TP53BP2: variants seen among roughly 807,000 people sequenced by gnomAD.
The protein encoded by TP53BP2 is apoptosis-stimulating of p53 protein 2.
TP53BP2 carries 62 observed loss-of-function variants against 126.2 expected under a neutral mutation model. That is an observed-to-expected ratio of 0.49 (90% CI 0.40 to 0.61). TP53BP2 has a LOEUF of 0.61. TP53BP2 is among the 20% of genes least tolerant of loss of function. The pLI, the probability that TP53BP2 is intolerant of heterozygous loss-of-function variation, is 0.00. For synonymous variants in TP53BP2, 485 were observed against 502.9 expected (o/e 0.96, Z 0.48); for missense variants, 1,215 against 1,402.8 (o/e 0.87, Z 2.14).
intron 16 of TP53BP2, among the ~76,000 whole-genome samples, chr1:223,785,960 A>T (rs1186613619): frequency 6.6e-6 from 1 of 152,156 alleles, no homozygotes; most frequent in Non-Finnish European, 1.5e-5. Context: ...GACAAGTACC[A>T]AAATGTTCAC....
intron 1 of TP53BP2, among the ~76,000 whole-genome samples, chr1:223,840,978 T>A (rs963648250): frequency 6.6e-6 from 1 of 152,098 alleles, no homozygotes; most frequent in African/African-American, 2.4e-5. Flanking sequence ...TGCTCCTGGG[T>A]GCGGTGGCTC....
At chr1:223,781,675 A>T (rs1661783861) in intron 17 of TP53BP2, among the ~76,000 whole-genome samples, 1 of 152,212 alleles carries the variant, frequency 6.6e-6, no homozygotes, top group South Asian at 2.1e-4. Flanking sequence ...TCAGACTTCC[A>T]GTTAAAACTG....
In TP53BP2 at chr1:223,796,314, C is replaced by T; in HGVS notation, c.2225G>A (p.Ser742Asn). 2 of 1,614,174 alleles carry T rather than the reference C, an allele frequency of 1.2e-6. No homozygotes were observed. The highest frequency in any genetic ancestry group is 1.7e-6 in the Non-Finnish European group (2 of 1,180,038). The change falls in exon 13 of 18, where the codon AGT (serine) becomes AAT (asparagine). Residue 742 changes from serine (S) to asparagine (N), a missense_variant. Physicochemically the swap from Ser to Asn is conservative, Grantham distance 46. Around this residue, in one of 4 missense-constraint regions of TP53BP2, gnomAD observed 46 missense variants for 93.0 expected, o/e 0.49. Transcript: ENST00000343537. The surrounding 1 kb of genome is among the most constrained non-coding windows in gnomAD (Gnocchi z 4.2). ...SNAPRPLKKR[S>N]SITEPEGPNG... Reference sequence around the variant, plus strand: ...AGGACCCTCTGGCTCTGTAATAGAACTACGTTTCTTTAGAGGCCTTGGTGC... The same window carrying T: ...AGGACCCTCTGGCTCTGTAATAGAATTACGTTTCTTTAGAGGCCTTGGTGC...
intron 16 of TP53BP2, among the ~76,000 whole-genome samples, chr1:223,786,636 T>C (rs1661973147): frequency 6.6e-6 from 1 of 150,836 alleles, no homozygotes. Flanking sequence ...AGATGGAGTC[T>C]CGCTCTGTTG....
At chr1:223,802,034 C>A in intron 9 of TP53BP2, 82 bp downstream of exon 9, 1 of 1,346,552 alleles carries the variant, frequency 7.4e-7, no homozygotes, top group Non-Finnish European at 1.0e-6. Flanking sequence ...ATAATGAATA[C>A]AAAGAGAGAT....
intron 4 of TP53BP2, among the ~76,000 whole-genome samples, chr1:223,808,689 CAA>C (rs901926126): frequency 8.3e-5 from 12 of 144,274 alleles, no homozygotes; most frequent in Admixed American, 7.6e-4. Flanking sequence ...CTGGGTTGGG[CAA>C]AGAGTTCTTA....
At chr1:223,783,293 G>A (rs192635751) in intron 17 of TP53BP2, among the ~76,000 whole-genome samples, 4 of 152,334 alleles carry the variant, frequency 2.6e-5, no homozygotes, top group African/African-American at 9.6e-5. Flanking sequence ...CAGATAACAG[G>A]TGCTGCAGAT....
chr1:223,834,458 A>G (rs556923154), intron 1 of TP53BP2, among the ~76,000 whole-genome samples: 2 of 152,322 alleles, frequency 1.3e-5, no homozygotes, highest in Admixed American at 6.5e-5. Flanking sequence ...TCACTAGCAG[A>G]TAACAACAGT....
intron 1 of TP53BP2, chr1:223,834,950 T>G (rs1663868882): frequency 1.3e-6 from 1 of 783,424 alleles, no homozygotes. Context: ...CATGTTTTGG[T>G]TCTTAAATGC....
intron 4 of TP53BP2, among the ~76,000 whole-genome samples, chr1:223,808,914 G>A (rs1423918389): frequency 5.3e-5 from 8 of 151,970 alleles, no homozygotes; most frequent in Admixed American, 2.6e-4. Flanking sequence ...ACCACAATGC[G>A]ATACCACTAC....
At chr1:223,842,790 C>T (rs950599410) in intron 1 of TP53BP2, among the ~76,000 whole-genome samples, 1 of 152,144 alleles carries the variant, frequency 6.6e-6, no homozygotes, top group African/African-American at 2.4e-5. Flanking sequence ...TAACTGCCTC[C>T]CTTTACATGA....
chr1:223,798,351 G>A lies in TP53BP2; in HGVS notation c.1812C>T (p.Phe604=). 2 of 1,614,160 alleles carry A rather than the reference G, an allele frequency of 1.2e-6. No homozygotes were observed. The highest frequency in any genetic ancestry group is 1.7e-6 in the Non-Finnish European group (2 of 1,180,016). Reference sequence around the variant, plus strand: ...TTGCTGCCACGGTCTGGGGTTTTCTGAAGGGTGGAAGTAAGGTGTCTTTGG... The same window carrying A: ...TTGCTGCCACGGTCTGGGGTTTTCTAAAGGGTGGAAGTAAGGTGTCTTTGG... ...QPSKDTLLPP[F]RKPQTVAASS... is the part of the protein sequence containing the mutation. Residue 604 remains phenylalanine, a synonymous_variant, in exon 12 of 18, where the codon TTC becomes TTT. Coordinates refer to ENST00000343537, the MANE Select transcript of TP53BP2 (RefSeq NM_001031685.3).
intron 2 of TP53BP2, 46 bp from the exon 3 acceptor site, chr1:223,814,399 G>A: frequency 7.6e-7 from 1 of 1,317,588 alleles, no homozygotes; most frequent in Non-Finnish European, 1.1e-6. Context: ...GTAAAAGAAA[G>A]ATAAATATAT....
chr1:223,834,433 T>C (rs546508767), intron 1 of TP53BP2, among the ~76,000 whole-genome samples: 89 of 152,300 alleles, frequency 5.8e-4, no homozygotes, highest in African/African-American at 2.0e-3. Context: ...CTGCAAATAA[T>C]GTAGAGTATT....
chr1:223,829,861 T>G (rs1037563900), intron 1 of TP53BP2, among the ~76,000 whole-genome samples: 4 of 152,016 alleles, frequency 2.6e-5, no homozygotes, highest in African/African-American at 7.2e-5. Flanking sequence ...CTTCCCCAGG[T>G]AGAAAAAGTG....
Position 223,792,456 on chromosome 1 carries a change from G to C in TP53BP2, c.2929C>G (p.His977Asp). The C allele has an allele frequency of 1.2e-6, 2 of 1,613,906 alleles. No individual in the cohort carries two copies. Among genetic ancestry groups the C allele is most frequent in the Non-Finnish European group, 1.7e-6 (2 of 1,179,912 alleles). ...TALHNAVCAG[H>D]TEIVKFLVQF... ...ACCAGGAACTTAACGATTTCTGTGT[G>C]GCCTGCACACACAGCATTGTGAAGA... The change falls in exon 15 of 18, where the codon CAC becomes GAC. Residue 977 changes from histidine (H) to aspartate (D), a missense_variant. Transcript: ENST00000343537.
At chr1:223,808,480 G>A (rs1467445729) in intron 4 of TP53BP2, among the ~76,000 whole-genome samples, 1 of 151,456 alleles carries the variant, frequency 6.6e-6, no homozygotes, top group East Asian at 1.9e-4. Context: ...GGTGGAGGTT[G>A]CAGTGAGCCG....
rs1467270431 is a variant in TP53BP2 at position 223,831,477 on chromosome 1, AAAAATATATATATATATATATATATAT to A, written c.28-10137_28-10111del. On this transcript the variant is annotated intron_variant, in intron 1 of 17. Transcript: ENST00000343537. ...ACATATGTACCATCTAAAAAAAAAA[AAAAATATATATATATATATATATATAT>A]ATATATATATATACTGACCTGTATG... 8.5e-3 allele frequency among the ~76,000 whole-genome samples: 355 copies of A among 42,004 alleles called. 4 individuals are homozygous for A. Among genetic ancestry groups the A allele is most frequent in the Admixed American group, 0.015 (53 of 3,554 alleles). 27.6% of individuals were successfully genotyped at this position (42,004 alleles called of 152,430 possible).
intron 6 of TP53BP2, 60 bp from the exon 7 acceptor site, chr1:223,803,512 C>T (rs1662606951): frequency 6.8e-7 from 1 of 1,481,042 alleles, no homozygotes; most frequent in Admixed American, 2.3e-5. Flanking sequence ...GGACTACTTC[C>T]CAGGCAACCG....
Sources: allele counts gnomAD v4.1 joint callset (sites outside exome capture counted in the v4.1 genomes callset), GRCh38; gene constraint gnomAD v4.1.1; regional missense constraint gnomAD v4.1.1; non-coding constraint Gnocchi (gnomAD v3.1); transcripts MANE v1.5; gene names NCBI Gene and HGNC (gene_info 2026-07-23, HGNC 2026-07-21).